The following OLA1 variants were observed in gnomAD, a reference collection of about 807,000 sequenced individuals.
The protein encoded by OLA1 is obg-like ATPase 1.
OLA1 carries 14 observed loss-of-function variants against 48.4 expected under a neutral mutation model. That is an observed-to-expected ratio of 0.29 (90% CI 0.19 to 0.45). OLA1 has a LOEUF of 0.45. Ranked by LOEUF, OLA1 falls within the 20% of genes least tolerant of loss-of-function variation. The pLI is 1.00. For synonymous variants in OLA1, 127 were observed against 150.4 expected, an observed-to-expected ratio of 0.84 and a Z score of 1.14; for missense variants, 325 against 467.1, an observed-to-expected ratio of 0.70 and a Z score of 2.80.
chr2:174,164,007 C>T (rs1464633167), intron 4 of OLA1, among the ~76,000 whole-genome samples: 1 of 151,460 alleles, frequency 6.6e-6, no homozygotes, highest in African/African-American at 2.4e-5. Flanking sequence ...GTAATTGAAT[C>T]ATGGGAGTGG....
intron 4 of OLA1, among the ~76,000 whole-genome samples, chr2:174,200,162 C>T (rs4398241): frequency 0.11 from 16,839 of 151,950 alleles, 2,192 homozygotes; most frequent in East Asian, 0.71. Flanking sequence ...ATTTTTAATA[C>T]GGTAAATACT....
intron 4 of OLA1, among the ~76,000 whole-genome samples, chr2:174,164,637 T>C (rs1287630561): frequency 6.6e-6 from 1 of 152,184 alleles, no homozygotes; most frequent in African/African-American, 2.4e-5. Flanking sequence ...GTGTAAAATT[T>C]CACAGGTATT....
Position 174,079,324 on chromosome 2 carries a change from C to T in OLA1, c.967-234G>A. The T allele has an allele frequency of 9.7e-6, 3 of 310,538 alleles. No homozygotes were observed. The East Asian group carries it at 1.6e-4, about 16-fold the overall frequency. The allele number at this position is 310,538 out of a possible 1,614,324, so 19.2% of individuals were successfully genotyped here. The stretch of plus-strand genomic sequence containing the variant: ...GGCTTTGTTTTTCCTAACAGTCATC[C>T]ACTGTTTTATTGATTTAGAAGCAGT... On this transcript the variant is annotated intron_variant, in intron 9 of 10. Transcript: ENST00000284719.
At chr2:174,167,055 T>C (rs1020651369) in intron 4 of OLA1, among the ~76,000 whole-genome samples, 2 of 152,024 alleles carry the variant, frequency 1.3e-5, no homozygotes, top group African/African-American at 4.8e-5. Flanking sequence ...AAAGAAATTT[T>C]GAGTAAACTG....
chr2:174,172,151 G>C, intron 4 of OLA1: 1 of 218,646 alleles, frequency 4.6e-6, no homozygotes, highest in African/African-American at 2.3e-5. Context: ...CTTGGCAGTG[G>C]AGGAGCTGGA....
At chr2:174,142,062 G>T in intron 4 of OLA1, 62 bp from the exon 5 acceptor site, 1 of 1,373,608 alleles carries the variant, frequency 7.3e-7, no homozygotes, top group East Asian at 2.3e-5. Flanking sequence ...CATTATGATA[G>T]AGTGAAAGAT....
intron 4 of OLA1, among the ~76,000 whole-genome samples, chr2:174,163,716 ATATATATAT>A (rs1687072788): frequency 1.3e-3 from 24 of 17,954 alleles, no homozygotes; most frequent in South Asian, 3.2e-3. Context: ...AAATAAATAT[ATATATATAT>A]ATATATATAT....
At chr2:174,076,809 G>A (rs13023846) in intron 10 of OLA1, among the ~76,000 whole-genome samples, 7 of 97,012 alleles carry the variant, frequency 7.2e-5, no homozygotes, top group African/African-American at 2.1e-4. Context: ...TGACACATAT[G>A]TGTGTGTGTA....
Position 174,091,869 on chromosome 2 carries a change from C to CA in OLA1, c.729-9806dup, listed in dbSNP as rs1174747360. Among the ~76,000 whole-genome samples, 115 of 22,982 alleles carry CA rather than the reference C, an allele frequency of 5.0e-3. 27 individuals carry two copies. Among genetic ancestry groups the CA allele is most frequent in the Non-Finnish European group, 7.6e-3 (79 of 10,402 alleles). The allele number at this position is 22,982 out of a possible 152,430, so 15.1% of individuals were successfully genotyped here. On this transcript the variant is annotated intron_variant, in intron 7 of 10. Transcript: ENST00000284719. ...CCTGGGAGACAGCGAGACTCTGCCT[C>CA]AAAAAAAAAAAAAAAAAAAAAAAAA...
intron 4 of OLA1, among the ~76,000 whole-genome samples, chr2:174,163,561 C>T (rs936298496): frequency 4.6e-5 from 7 of 150,678 alleles, no homozygotes; most frequent in African/African-American, 1.2e-4. Context: ...TGGTGGCAGG[C>T]ACCTATAAAT....
At chr2:174,149,655 C>T (rs4972637) in intron 4 of OLA1, among the ~76,000 whole-genome samples, 1 of 152,180 alleles carries the variant, frequency 6.6e-6, no homozygotes, top group Admixed American at 6.5e-5. Flanking sequence ...TGGTGAGATA[C>T]ATTTGACTAT....
At position 174,181,691 on chromosome 2, in the gene OLA1, T is replaced by G. The variant is rs562971599; in HGVS notation, c.374-39691A>C. Among the ~76,000 whole-genome samples the G allele has an allele frequency of 6.6e-5, 10 of 152,326 alleles. No individual in the cohort carries two copies. In the East Asian group the frequency reaches 1.9e-3, roughly 29 times the overall value. The stretch of plus-strand genomic sequence containing the variant: ...CTCACTCAGCTTCACGGCACTCGCA[T>G]TTGCTGTTGCCTCTGTTTACAAATA... On this transcript the variant is annotated intron_variant, in intron 4 of 10. Coordinates refer to ENST00000284719, the MANE Select transcript of OLA1 (RefSeq NM_013341.5).
intron 4 of OLA1, among the ~76,000 whole-genome samples, chr2:174,188,544 T>C (rs551228328): frequency 6.3e-4 from 96 of 152,268 alleles, no homozygotes; most frequent in African/African-American, 2.2e-3. Flanking sequence ...ACACATTATC[T>C]TTTCACATAT....
chr2:174,217,455 G>GAAAC (rs5836453), intron 4 of OLA1, among the ~76,000 whole-genome samples: 41,217 of 151,818 alleles, frequency 0.27, 7,944 homozygotes, highest in East Asian at 0.73. Context: ...TTACAGTGCT[G>GAAAC]AAACAGAGTA....
In OLA1 at chr2:174,137,004, T is replaced by C. The variant is rs1393506112; in HGVS notation, c.549+4821A>G. 3.3e-5 allele frequency among the ~76,000 whole-genome samples: 5 copies of C among 152,140 alleles called. No individual in the cohort carries two copies. In the East Asian group the frequency reaches 9.6e-4, roughly 29 times the overall value. ...AAATTCATCTAGAATGGTGAATCCC[T>C]TCCAAAAGGTTTTCAATTTATTATG... is the stretch of plus-strand genomic sequence containing the variant. On this transcript the variant is annotated intron_variant, in intron 5 of 10. Coordinates refer to ENST00000284719, the MANE Select transcript of OLA1 (RefSeq NM_013341.5).
intron 5 of OLA1, among the ~76,000 whole-genome samples, chr2:174,137,905 T>C (rs761900773): frequency 2.0e-5 from 3 of 152,224 alleles, no homozygotes; most frequent in Non-Finnish European, 4.4e-5. Context: ...TACACACCTA[T>C]AATCCCAGCT....
chr2:174,185,408 A>G (rs1053402685), intron 4 of OLA1, among the ~76,000 whole-genome samples: 1 of 152,210 alleles, frequency 6.6e-6, no homozygotes, highest in Admixed American at 6.5e-5. Flanking sequence ...GACAACTAGT[A>G]ATCACCACTA....
chr2:174,098,202 G>A (rs1424196894), intron 7 of OLA1, among the ~76,000 whole-genome samples: 1 of 152,170 alleles, frequency 6.6e-6, no homozygotes, highest in African/African-American at 2.4e-5. Context: ...CATGTTAGAT[G>A]AGAAATAAAA....
At chr2:174,222,216 T>C (rs1020839654) in intron 4 of OLA1, among the ~76,000 whole-genome samples, 1 of 152,120 alleles carries the variant, frequency 6.6e-6, no homozygotes, top group African/African-American at 2.4e-5. Context: ...ACACAAAAAG[T>C]ACCGGCAGAA....
Sources: allele counts gnomAD v4.1 joint callset (sites outside exome capture counted in the v4.1 genomes callset), GRCh38; gene constraint gnomAD v4.1.1; transcripts MANE v1.5; gene names NCBI Gene and HGNC (gene_info 2026-07-23, HGNC 2026-07-21).